Variants in RUFY2 observed in about 807,000 individuals in gnomAD.
RUFY2 encodes the protein RUN and FYVE domain-containing protein 2.
A neutral mutation model predicts 94.4 loss-of-function variants in RUFY2; 49 were observed. That is an observed-to-expected ratio of 0.52 (90% confidence interval 0.41 to 0.66). The LOEUF is 0.66. Ranked by LOEUF, RUFY2 falls within the 30% of genes least tolerant of loss-of-function variation. RUFY2 has a pLI of 0.00. For synonymous variants in RUFY2, 255 were observed against 235.7 expected, an observed-to-expected ratio of 1.08 and a Z score of -0.75; for missense variants, 541 against 692.8, an observed-to-expected ratio of 0.78 and a Z score of 2.46.
In RUFY2 at chr10:68,345,150, C is replaced by A. The variant is rs2046201655; in HGVS notation, c.*618G>T. On this transcript the variant is annotated 3_prime_UTR_variant, in exon 18 of 18. Transcript: ENST00000602465. ...AGTAGAGGCCGAGGCCAAATAATGC[C>A]CCCTTTAATTTAATCCACTGTAGCT... The A allele has an allele frequency of 4.6e-5, 7 of 153,518 alleles. No individual in the cohort carries two copies. Among genetic ancestry groups the A allele is most frequent in the Admixed American group, 3.9e-4 (6 of 15,284 alleles). 9.5% of individuals were successfully genotyped at this position (153,518 alleles called of 1,614,324 possible).
intron 7 of RUFY2, among the ~76,000 whole-genome samples, chr10:68,389,213 T>G (rs1031412413): frequency 7.9e-5 from 12 of 152,218 alleles, no homozygotes; most frequent in Non-Finnish European, 2.9e-5. Context: ...GAAACATTTA[T>G]AAAACATAAG....
chr10:68,355,369 G>C lies in RUFY2; in HGVS notation c.1583C>G (p.Ala528Gly). 2 of 1,611,030 alleles carry C rather than the reference G, an allele frequency of 1.2e-6. No homozygotes were observed. The highest frequency in any genetic ancestry group is 1.7e-6 in the Non-Finnish European group (2 of 1,177,808). The change falls in exon 16 of 18, where the codon GCC becomes GGC. Residue 528 changes from alanine (A) to glycine (G), a missense_variant. Physicochemically the swap from Ala to Gly is moderately conservative, Grantham distance 60. Around this residue, in one of 3 missense-constraint regions of RUFY2, gnomAD observed 403 missense variants for 480.7 expected, o/e 0.84. Coordinates refer to ENST00000602465, the MANE Select transcript of RUFY2 (RefSeq NM_001330103.2). ...TCTACTCACCTGCAATGCTTTGTTGGCTTCTTTTATGTCTTCAATTTTAAG... is the reference window on the plus strand; with the variant it reads ...TCTACTCACCTGCAATGCTTTGTTGCCTTCTTTTATGTCTTCAATTTTAAG... ...SKLKIEDIKEANKALQGLVWL... is the reference protein window; with the variant it reads ...SKLKIEDIKEGNKALQGLVWL...
intron 1 of RUFY2, chr10:68,406,698 C>G (rs527901244): frequency 1.9e-5 from 28 of 1,467,294 alleles, no homozygotes; most frequent in South Asian, 1.4e-4. Flanking sequence ...CCCCCTCCCC[C>G]CAGCAAGGCT....
intron 16 of RUFY2, among the ~76,000 whole-genome samples, chr10:68,347,139 GA>G (rs35691041): frequency 6.7e-5 from 10 of 149,020 alleles, no homozygotes; most frequent in East Asian, 2.0e-4. Context: ...AAAAAGAGGG[GA>G]AAAAAAAAGG....
chr10:68,365,471 T>G (rs750209634), intron 13 of RUFY2, among the ~76,000 whole-genome samples: 1 of 150,204 alleles, frequency 6.7e-6, no homozygotes, highest in Non-Finnish European at 1.5e-5. Context: ...TGTGTTTGGG[T>G]GCATCCTGTG....
intron 1 of RUFY2, among the ~76,000 whole-genome samples, chr10:68,405,992 T>G (rs1445533669): frequency 6.6e-6 from 1 of 152,228 alleles, no homozygotes; most frequent in Non-Finnish European, 1.5e-5. Flanking sequence ...TATTCTCAGT[T>G]TACTTAGAAA....
intron 13 of RUFY2, among the ~76,000 whole-genome samples, chr10:68,365,452 G>A (rs898801723): frequency 2.6e-5 from 4 of 152,106 alleles, no homozygotes; most frequent in Non-Finnish European, 5.9e-5. Context: ...GTCCCAGCCT[G>A]AGTGTGGGTG....
chr10:68,370,916 A>C (rs1167117976), intron 13 of RUFY2, among the ~76,000 whole-genome samples: 1 of 151,892 alleles, frequency 6.6e-6, no homozygotes, highest in Non-Finnish European at 1.5e-5. Flanking sequence ...GTGGGTCACA[A>C]GGTCAAGAGA....
At chr10:68,393,401 A>T (rs2050148159) in intron 6 of RUFY2, among the ~76,000 whole-genome samples, 198 bp from the exon 7 acceptor site, 1 of 152,166 alleles carries the variant, frequency 6.6e-6, no homozygotes, top group Non-Finnish European at 1.5e-5. Flanking sequence ...CTAATAATAC[A>T]CTTAACAATA....
intron 2 of RUFY2, among the ~76,000 whole-genome samples, 154 bp downstream of exon 2, chr10:68,404,517 A>G (rs2051118934): frequency 6.6e-6 from 1 of 152,244 alleles, no homozygotes; most frequent in Non-Finnish European, 1.5e-5. Flanking sequence ...TTATTAGAAA[A>G]CATAGTCATA....
intron 10 of RUFY2, 129 bp downstream of exon 10, chr10:68,383,669 G>A: frequency 1.4e-6 from 1 of 696,438 alleles, no homozygotes; most frequent in Non-Finnish European, 2.5e-6. Flanking sequence ...AATTTGAGAA[G>A]ATTAAGGGGT....
At chr10:68,357,139 GGGTGACAGA>G (rs1041016089) in intron 15 of RUFY2, among the ~76,000 whole-genome samples, 34 of 151,876 alleles carry the variant, frequency 2.2e-4, no homozygotes, top group African/African-American at 7.7e-4. Flanking sequence ...CTGCACTCCT[GGGTGACAGA>G]GCAAGACTCC....
At chr10:68,355,895 CAG>C in intron 15 of RUFY2, among the ~76,000 whole-genome samples, 2 of 129,984 alleles carry the variant, frequency 1.5e-5, no homozygotes, top group Non-Finnish European at 1.6e-5. Flanking sequence ...GCCTGGGTGA[CAG>C]AGTGAGACTC....
At chr10:68,370,959 T>C in intron 13 of RUFY2, among the ~76,000 whole-genome samples, 1 of 151,546 alleles carries the variant, frequency 6.6e-6, no homozygotes, top group East Asian at 2.0e-4. Flanking sequence ...GGTGAAACCC[T>C]GTCTCTACTA....
intron 16 of RUFY2, among the ~76,000 whole-genome samples, chr10:68,350,691 G>A (rs985786314): frequency 1.1e-4 from 17 of 151,808 alleles, no homozygotes. Flanking sequence ...AACCTAAGCG[G>A]AGGATACGCA....
downstream of RUFY2, chr10:68,341,532 A>T: frequency 8.0e-7 from 1 of 1,249,340 alleles, no homozygotes; most frequent in South Asian, 1.3e-5. Flanking sequence ...TGTATTGATG[A>T]ATTTTATCCA....
At chr10:68,347,278 C>CTTTTTTTTTTTT (rs66465620) in intron 16 of RUFY2, among the ~76,000 whole-genome samples, 1 of 86,508 alleles carries the variant, frequency 1.2e-5, no homozygotes, top group Non-Finnish European at 2.1e-5. Flanking sequence ...CAACTTGACC[C>CTTTTTTTTTTTT]TTTTTTTTTT....
chr10:68,394,228 T>G, intron 5 of RUFY2, 92 bp from the exon 6 acceptor site: 2 of 1,575,706 alleles, frequency 1.3e-6, no homozygotes, highest in Non-Finnish European at 1.7e-6. Flanking sequence ...ATTCCTTTAG[T>G]GTTTAACAGT....
At chr10:68,405,898 T>G (rs747635126) in intron 1 of RUFY2, among the ~76,000 whole-genome samples, 2 of 151,540 alleles carry the variant, frequency 1.3e-5, no homozygotes, top group Admixed American at 6.6e-5. Flanking sequence ...AAGGCCTGAT[T>G]TTTAATTGAT....
Sources: gnomAD v4.1 joint callset for allele counts (sites outside exome capture counted in the v4.1 genomes callset) on GRCh38, gnomAD v4.1.1 for gene constraint, gnomAD v4.1.1 regional missense constraint, MANE v1.5 for transcripts, NCBI Gene and HGNC (gene_info 2026-07-23, HGNC 2026-07-21) for gene names.